PTPRF: variants seen among roughly 807,000 people sequenced by gnomAD.
The protein encoded by PTPRF is receptor-type tyrosine-protein phosphatase F.
In PTPRF, 59 loss-of-function variants were observed where a neutral mutation model predicts 201.8. The ratio of observed to expected loss-of-function variants is 0.29; its 90% confidence interval spans 0.24 to 0.36. The LOEUF is 0.36. PTPRF is among the 10% of genes least tolerant of loss of function. The probability of loss-of-function intolerance (pLI) is 1.00; values close to 1 mark genes in which losing one functional copy is unlikely to be tolerated. For synonymous variants in PTPRF, 1,088 were observed against 1,089.7 expected (o/e 1.00, Z 0.03); for missense variants, 2,132 against 2,690.5 (o/e 0.79, Z 4.59).
In PTPRF at chr1:43,588,964, G is replaced by A; in HGVS notation, c.913G>A (p.Gly305Ser). 1.9e-6 allele frequency: 3 copies of A among 1,576,100 alleles called. No homozygotes were observed. The highest frequency in any genetic ancestry group is 2.6e-6 in the Non-Finnish European group (3 of 1,156,154). ...CACCTGTGTGGCCATCTCCTCGCTG[G>A]GCATGATCGAGGCCACAGCCCAGGT... ...NYTCVAISSL[G>S]MIEATAQVTV... is the part of the protein sequence containing the mutation. The change falls in exon 8 of 34, where the codon GGC becomes AGC. Residue 305 changes from glycine to serine, a missense_variant. Around this residue, in one of 6 missense-constraint regions of PTPRF, gnomAD observed 297 missense variants for 454.0 expected, o/e 0.65. Coordinates refer to ENST00000359947, the MANE Select transcript of PTPRF (RefSeq NM_002840.5). The surrounding 1 kb of genome is among the most constrained non-coding windows in gnomAD (Gnocchi z 5.3).
chr1:43,577,093 A>G (rs1435761577), intron 6 of PTPRF, among the ~76,000 whole-genome samples: 1 of 152,178 alleles, frequency 6.6e-6, no homozygotes, highest in Non-Finnish European at 1.5e-5. Flanking sequence ...CTCTTGTTGC[A>G]GAGGAACCTC....
At chr1:43,590,304 G>A (rs750373275) in intron 8 of PTPRF, among the ~76,000 whole-genome samples, 3 of 152,124 alleles carry the variant, frequency 2.0e-5, no homozygotes, top group Admixed American at 1.3e-4. Flanking sequence ...TCATGAGTAC[G>A]ATCGACTTGT....
rs146318210 is a variant in PTPRF, at chr1:43,603,864, C to G, written c.2712C>G (p.Phe904Leu). ...ACCGGGCTGGCTTGGGTGAGGAGTTCGAGAAGGAGATCAGGACCCCCGAGG... is the reference window on the plus strand; with the variant it reads ...ACCGGGCTGGCTTGGGTGAGGAGTTGGAGAAGGAGATCAGGACCCCCGAGG... ...AKNRAGLGEE[F>L]EKEIRTPEDL... The change falls in exon 16 of 34, where the codon TTC becomes TTG. Residue 904 changes from phenylalanine to leucine, a missense_variant. By Grantham distance (22) the Phe-to-Leu change is conservative. This residue lies in a region of PTPRF where 818 missense variants were observed against 915.3 expected (regional missense o/e 0.89). Transcript: ENST00000359947. This position sits in a 1 kb window ranked among gnomAD's most constrained non-coding sequence, Gnocchi z 5.8. 6.2e-7 allele frequency: 1 copy of G among 1,613,992 alleles called. No homozygotes were observed. Among genetic ancestry groups the G allele is most frequent in the Non-Finnish European group, 8.5e-7 (1 of 1,180,022 alleles).
In PTPRF at chr1:43,603,308, C is replaced by T; in HGVS notation, c.2341-108C>T. ...TAGCCCCACCTTCCACAACCCCTGGCCTTGTGTGCCCCGGGGCTCCCCTCA... is the reference window on the plus strand; with the variant it reads ...TAGCCCCACCTTCCACAACCCCTGGTCTTGTGTGCCCCGGGGCTCCCCTCA... On this transcript the variant is annotated intron_variant, in intron 14 of 33. Transcript: ENST00000359947. This position sits in a 1 kb window ranked among gnomAD's most constrained non-coding sequence, Gnocchi z 5.8. 5.3e-6 allele frequency: 5 copies of T among 949,920 alleles called. No individual in the cohort carries two copies. The highest frequency in any genetic ancestry group is 6.7e-6 in the Non-Finnish European group (4 of 593,792). The allele number at this position is 949,920 out of a possible 1,614,324, so 58.8% of individuals were successfully genotyped here.
intron 6 of PTPRF, among the ~76,000 whole-genome samples, chr1:43,573,838 C>G (rs1210756827): frequency 6.6e-6 from 1 of 152,154 alleles, no homozygotes; most frequent in Non-Finnish European, 1.5e-5. Flanking sequence ...GGGATGCCAG[C>G]CCTGGACCAT....
At chr1:43,583,231 G>T in intron 7 of PTPRF, 1 of 567,150 alleles carries the variant, frequency 1.8e-6, no homozygotes, top group Middle Eastern at 9.3e-4. Flanking sequence ...TGTTTGGGCC[G>T]GCGGGCAGGC....
Position 43,544,565 on chromosome 1 carries a change from C to T in PTPRF, c.-45-466C>T, listed in dbSNP as rs1644542178. ...GGGCAACAGAATTCTACCAGGGAGA[C>T]TCCAGAGTCAGTTGGCTTTGCCCCT... is the stretch of plus-strand genomic sequence containing the variant. On this transcript the variant is annotated intron_variant, in intron 2 of 33. Coordinates refer to ENST00000359947, the MANE Select transcript of PTPRF (RefSeq NM_002840.5). 2.0e-5 allele frequency among the ~76,000 whole-genome samples: 3 copies of T among 152,244 alleles called. No individual in the cohort carries two copies. The East Asian group carries it at 5.8e-4, about 29-fold the overall frequency.
Position 43,546,487 on chromosome 1 carries a change from C to G in PTPRF, c.91+1321C>G, listed in dbSNP as rs1644682230. 6.6e-6 allele frequency among the ~76,000 whole-genome samples: 1 copy of G among 152,124 alleles called. No individual in the cohort carries two copies. The highest frequency in any genetic ancestry group is 1.5e-5 in the Non-Finnish European group (1 of 68,022). ...GAGTAGAAAGCCTTATCAGGTGTGA[C>G]CCACATGGTTGGCAGGAAGGTGAAG... On this transcript the variant is annotated intron_variant, in intron 3 of 33. Coordinates refer to ENST00000359947, the MANE Select transcript of PTPRF (RefSeq NM_002840.5). This position sits in a 1 kb window ranked among gnomAD's most constrained non-coding sequence, Gnocchi z 4.2.
Position 43,617,583 on chromosome 1 carries a change from T to C in PTPRF, c.4195+15T>C. The C allele has an allele frequency of 6.2e-7, 1 of 1,613,192 alleles. No homozygotes were observed. Among genetic ancestry groups the C allele is most frequent in the Non-Finnish European group, 8.5e-7 (1 of 1,179,804 alleles). Reference sequence around the variant, plus strand: ...CTCTATCGATGGTGAGCCAAGGGGGTGCCCCTCCCATCCCCTTGCTCTCCC... The same window carrying C: ...CTCTATCGATGGTGAGCCAAGGGGGCGCCCCTCCCATCCCCTTGCTCTCCC... On this transcript the variant is annotated intron_variant, in intron 24 of 33. Coordinates refer to ENST00000359947, the MANE Select transcript of PTPRF (RefSeq NM_002840.5).
chr1:43,592,744 C>T, intron 11 of PTPRF, 143 bp downstream of exon 11: 2 of 1,084,844 alleles, frequency 1.8e-6, no homozygotes, highest in South Asian at 2.0e-5. Flanking sequence ...GGCTCTGAGT[C>T]TGGGCCTCGG....
At chr1:43,547,137 T>G (rs148704953) in intron 3 of PTPRF, among the ~76,000 whole-genome samples, 21 of 152,144 alleles carry the variant, frequency 1.4e-4, no homozygotes, top group South Asian at 6.2e-4. Context: ...CTATAGGCCC[T>G]GCATTATCAA....
chr1:43,547,055 A>G (rs921752951), intron 3 of PTPRF, among the ~76,000 whole-genome samples: 1 of 152,068 alleles, frequency 6.6e-6, no homozygotes, highest in African/African-American at 2.4e-5. Flanking sequence ...AGGTGAAAAC[A>G]TCATCCTGTC....
At position 43,553,682 on chromosome 1, in the gene PTPRF, C is replaced by G; in HGVS notation, c.237+45C>G. 1 of 1,611,268 alleles carries G rather than the reference C, an allele frequency of 6.2e-7. No individual in the cohort carries two copies. The highest frequency in any genetic ancestry group is 8.5e-7 in the Non-Finnish European group (1 of 1,178,404). ...GGGTCGGCAGGGCTCAGGGTCTGCC[C>G]ACACTCTCTCCTTTCAGTGTCCCTC... On this transcript the variant is annotated intron_variant, in intron 4 of 33. Transcript: ENST00000359947. This position sits in a 1 kb window ranked among gnomAD's most constrained non-coding sequence, Gnocchi z 4.1.
chr1:43,572,912 C>T (rs1243241490), intron 6 of PTPRF, among the ~76,000 whole-genome samples: 1 of 152,050 alleles, frequency 6.6e-6, no homozygotes, highest in Non-Finnish European at 1.5e-5. Flanking sequence ...AGCAGCTGGA[C>T]CCTTCTGGGG....
At chr1:43,609,602 C>G (rs1424824924) in intron 22 of PTPRF, 104 bp downstream of exon 22, 1 of 764,578 alleles carries the variant, frequency 1.3e-6, no homozygotes, top group Non-Finnish European at 2.2e-6. Context: ...GGGCCGCATG[C>G]ACTTGTTCCT....
rs1569630285 is a variant in PTPRF, at chr1:43,546,812, G to GGCCTCCTCCA, written c.91+1656_91+1665dup. Among the ~76,000 whole-genome samples the GGCCTCCTCCA allele has an allele frequency of 6.6e-6, 1 of 151,986 alleles. No individual in the cohort carries two copies. Among genetic ancestry groups the GGCCTCCTCCA allele is most frequent in the Non-Finnish European group, 1.5e-5 (1 of 67,996 alleles). ...ACCCGGTCACCCAAGTCAGAACCTG[G>GGCCTCCTCCA]GCCTCCTCCAGCCTCCTCCCTCCGT... On this transcript the variant is annotated intron_variant, in intron 3 of 33. Transcript: ENST00000359947. This position sits in a 1 kb window ranked among gnomAD's most constrained non-coding sequence, Gnocchi z 4.2.
At chr1:43,575,412 G>T (rs1447520456) in intron 6 of PTPRF, among the ~76,000 whole-genome samples, 2 of 152,176 alleles carry the variant, frequency 1.3e-5, no homozygotes, top group African/African-American at 2.4e-5. Context: ...GCTGGGCTGC[G>T]TGTTGTGGGA....
In PTPRF at chr1:43,609,401, G is replaced by A. The variant is rs139339462; in HGVS notation, c.3876G>A (p.Pro1292=). 499 of 1,613,976 alleles carry A rather than the reference G, an allele frequency of 3.1e-4. 1 individual carries two copies. In the African/African-American group the frequency reaches 4.3e-3, roughly 14 times the overall value. Reference sequence around the variant, plus strand: ...TCTCTAGGAAAAGGACCCACTCTCCGTCCTCTAAGGATGAGCAGTCGATCG... The same window carrying A: ...TCTCTAGGAAAAGGACCCACTCTCCATCCTCTAAGGATGAGCAGTCGATCG... ...LLFKRKRTHS[P]SSKDEQSIGL... is the part of the protein sequence containing the mutation. The change falls in exon 22 of 34, where the codon CCG becomes CCA. Residue 1292 remains proline, a synonymous_variant. Transcript: ENST00000359947.
At chr1:43,559,101 G>C (rs1472753666) in intron 5 of PTPRF, among the ~76,000 whole-genome samples, 2 of 152,252 alleles carry the variant, frequency 1.3e-5, no homozygotes, top group African/African-American at 4.8e-5. Context: ...TGATAGGGCA[G>C]ATAACGTGCA....
Sources: allele counts gnomAD v4.1 joint callset (sites outside exome capture counted in the v4.1 genomes callset), GRCh38; gene constraint gnomAD v4.1.1; regional missense constraint gnomAD v4.1.1; non-coding constraint Gnocchi (gnomAD v3.1); transcripts MANE v1.5; gene names NCBI Gene and HGNC (gene_info 2026-07-23, HGNC 2026-07-21).